EDRF1: variants seen among roughly 807,000 people sequenced by gnomAD.
EDRF1 encodes erythroid differentiation regulatory factor 1.
Under a neutral mutation model 148.7 loss-of-function variants are expected in EDRF1, and 69 were observed. The ratio of observed to expected loss-of-function variants is 0.46; its 90% CI spans 0.38 to 0.57. EDRF1 has a LOEUF of 0.57. Among genes scored for constraint, EDRF1 ranks in the 20% least tolerant of loss-of-function variants. The pLI is 0.00. For missense variants in EDRF1, 1,118 were observed against 1,478.7 expected (o/e 0.76, Z 4.00); for synonymous variants, 515 against 532.8 (o/e 0.97, Z 0.46).
At chr10:125,729,994 G>A (rs1418066991) in intron 8 of EDRF1, among the ~76,000 whole-genome samples, 1 of 152,204 alleles carries the variant, frequency 6.6e-6, no homozygotes, top group Admixed American at 6.5e-5. Context: ...CTTTCTTCAA[G>A]TTGTGTGTGA....
intron 6 of EDRF1, among the ~76,000 whole-genome samples, chr10:125,728,483 G>A (rs1284598233): frequency 6.6e-6 from 1 of 152,112 alleles, no homozygotes; most frequent in Non-Finnish European, 1.5e-5. Context: ...AGACTGTTAA[G>A]ATAATGAGTA....
intron 24 of EDRF1, chr10:125,761,226 A>G: frequency 2.5e-6 from 1 of 407,984 alleles, no homozygotes; most frequent in Non-Finnish European, 4.9e-6. Context: ...TTTCATTTTC[A>G]GGTGATGCAG....
At chr10:125,731,549 A>C (rs996714296) in intron 9 of EDRF1, among the ~76,000 whole-genome samples, 2 of 152,226 alleles carry the variant, frequency 1.3e-5, no homozygotes, top group African/African-American at 2.4e-5. Flanking sequence ...AATGATGGAG[A>C]TCTTAAATGT....
At chr10:125,748,119 G>A in intron 21 of EDRF1, 107 bp downstream of exon 21, 1 of 1,346,202 alleles carries the variant, frequency 7.4e-7, no homozygotes, top group Non-Finnish European at 1.1e-6. Context: ...CGTCCACTCA[G>A]GTGAACTGCT....
chr10:125,719,859 G>C lies in EDRF1; in HGVS notation c.52G>C (p.Ala18Pro). 2 of 1,612,890 alleles carry C rather than the reference G, an allele frequency of 1.2e-6. No individual in the cohort carries two copies. The highest frequency in any genetic ancestry group is 1.1e-5 in the South Asian group (1 of 91,044). Residue 18 changes from alanine (A) to proline (P), a missense_variant, in exon 1 of 25, where the codon GCT becomes CCT. Physicochemically the swap from Ala to Pro is conservative, Grantham distance 27. Around this residue, in one of 3 missense-constraint regions of EDRF1, gnomAD observed 65 missense variants for 50.3 expected, o/e 1.29. Transcript: ENST00000356792. ...CGAGGGTCCGCCGGCCGGGGCCGCCGCTCGAGGAGGGCTCAGCCTCCTGTC... is the reference window on the plus strand; with the variant it reads ...CGAGGGTCCGCCGGCCGGGGCCGCCCCTCGAGGAGGGCTCAGCCTCCTGTC... ...GAEGPPAGAAARGGLSLLSQG... is the reference protein window; with the variant it reads ...GAEGPPAGAAPRGGLSLLSQG...
At chr10:125,735,287 T>A (rs1186096444) in intron 12 of EDRF1, among the ~76,000 whole-genome samples, 1 of 152,146 alleles carries the variant, frequency 6.6e-6, no homozygotes, top group Non-Finnish European at 1.5e-5. Context: ...AAAGAAAAAT[T>A]CTGGTTTCTC....
rs546647661 is a variant in EDRF1 at position 125,763,612 on chromosome 10, A to T, written c.*140A>T. Reference sequence around the variant, plus strand: ...ATCAGTGGAAACACAGAGTTATTTTAAGTGACAGACAAATTACGGTTGAGT... The same window carrying T: ...ATCAGTGGAAACACAGAGTTATTTTTAGTGACAGACAAATTACGGTTGAGT... On this transcript the variant is annotated 3_prime_UTR_variant, in exon 25 of 25. Transcript: ENST00000356792. The surrounding 1 kb of genome is among the most constrained non-coding windows in gnomAD (Gnocchi z 4.3). 10 of 1,003,934 alleles carry T rather than the reference A, an allele frequency of 1.0e-5. No individual in the cohort carries two copies. The South Asian group carries it at 1.4e-4, about 14-fold the overall frequency. The allele number at this position is 1,003,934 out of a possible 1,614,324, so 62.2% of individuals were successfully genotyped here. A position where few individuals can be genotyped will look rare whatever the true frequency, so the allele number is the denominator to read the frequency against.
At chr10:125,754,352 T>G (rs1187908320) in intron 24 of EDRF1, among the ~76,000 whole-genome samples, 2 of 152,252 alleles carry the variant, frequency 1.3e-5, no homozygotes, top group Admixed American at 1.3e-4. Flanking sequence ...AAGCCTTCTA[T>G]GTATTGAAAT....
intron 15 of EDRF1, among the ~76,000 whole-genome samples, chr10:125,739,009 A>G (rs1029331725): frequency 6.6e-6 from 1 of 152,242 alleles, no homozygotes; most frequent in Non-Finnish European, 1.5e-5. Context: ...ATATAACATC[A>G]TGAAGAATAT....
rs759711447 is a variant in EDRF1, at chr10:125,723,825, C to T, written c.399C>T (p.Leu133=). The change falls in exon 4 of 25, where the codon CTC becomes CTT. Residue 133 remains leucine, a synonymous_variant. Coordinates refer to ENST00000356792, the MANE Select transcript of EDRF1 (RefSeq NM_001202438.2). ...AATTTTTTAAGAACATAAAAAAACT[C>T]CTGAAAATTCCCTACAGCAAGTCGC... is the stretch of plus-strand genomic sequence containing the variant. ...VVSDSENIKK[L]LKIPYSKSHV... 68 of 1,613,170 alleles carry T rather than the reference C, an allele frequency of 4.2e-5. No homozygotes were observed. Among genetic ancestry groups the T allele is most frequent in the Admixed American group, 2.5e-4 (15 of 59,970 alleles).
rs924497506 is a variant in EDRF1, at chr10:125,721,053, T to C, written c.109-151T>C. On this transcript the variant is annotated intron_variant, in intron 1 of 24. Transcript: ENST00000356792. ...TAAAAGAACTAAGTAAATGTTACCA[T>C]TTATGCTCAAATTTATTAAGTGCTG... The C allele has an allele frequency of 7.7e-5, 58 of 753,430 alleles. No homozygotes were observed. The Admixed American group carries it at 1.3e-3, about 16-fold the overall frequency. The allele number at this position is 753,430 out of a possible 1,614,324, so 46.7% of individuals were successfully genotyped here.
chr10:125,753,865 G>A lies in EDRF1; in HGVS notation c.3545+20G>A. 6.2e-7 allele frequency: 1 copy of A among 1,611,354 alleles called. No homozygotes were observed. Among genetic ancestry groups the A allele is most frequent in the Non-Finnish European group, 8.5e-7 (1 of 1,179,290 alleles). On this transcript the variant is annotated intron_variant, in intron 24 of 24. Coordinates refer to ENST00000356792, the MANE Select transcript of EDRF1 (RefSeq NM_001202438.2). ...AACAAGGTAAATTAAGTGGTTATTTGTAGGAATTTCTTTCCTAGCACCCTA... is the reference window on the plus strand; with the variant it reads ...AACAAGGTAAATTAAGTGGTTATTTATAGGAATTTCTTTCCTAGCACCCTA...
At position 125,745,730 on chromosome 10, in the gene EDRF1, G is replaced by C. The variant is rs773208056; in HGVS notation, c.2614G>C (p.Glu872Gln). The stretch of plus-strand genomic sequence containing the variant: ...AGTGAGCAAATCTGTGTCTGCTGCC[G>C]AGCAACAGTTGTGGAAAAAAAGCTT... ...RLVSKSVSAA[E>Q]QQLWKKSFSC... Residue 872 changes from glutamate to glutamine, a missense_variant, in exon 19 of 25, where the codon GAG becomes CAG. Glu to Gln is a conservative substitution (Grantham distance 29). This residue lies in a region of EDRF1 where 954 missense variants were observed against 1,241.4 expected (regional missense o/e 0.77). Coordinates refer to ENST00000356792, the MANE Select transcript of EDRF1 (RefSeq NM_001202438.2). 6.2e-7 allele frequency: 1 copy of C among 1,614,166 alleles called. No individual in the cohort carries two copies.
At chr10:125,741,274 A>T (rs1849003536) in intron 17 of EDRF1, 73 bp downstream of exon 17, 2 of 1,282,400 alleles carry the variant, frequency 1.6e-6, no homozygotes, top group Non-Finnish European at 2.3e-6. Flanking sequence ...TTGAGTATTC[A>T]GAAAAGGGGT....
chr10:125,730,513 G>C, intron 9 of EDRF1, 114 bp downstream of exon 9: 1 of 801,600 alleles, frequency 1.2e-6, no homozygotes, highest in South Asian at 1.4e-5. Context: ...AGGGAAGATA[G>C]CTGTGAATAA....
At chr10:125,740,317 G>A (rs147616157) in intron 15 of EDRF1, 146 bp from the exon 16 acceptor site, 33 of 864,764 alleles carry the variant, frequency 3.8e-5, no homozygotes, top group Non-Finnish European at 5.7e-5. Context: ...TTTCACTCCA[G>A]TGTATTTAAG....
Position 125,740,661 on chromosome 10 carries a change from T to C in EDRF1, c.2170+10T>C, listed in dbSNP as rs1163704210. ...GCTTTGCAAAGCCATGGTAAGCCAC[T>C]ATAAATGAATATGTTTAATAGGCAC... On this transcript the variant is annotated intron_variant, in intron 16 of 24. Transcript: ENST00000356792. The C allele has an allele frequency of 1.2e-6, 2 of 1,611,490 alleles. No individual in the cohort carries two copies. Among genetic ancestry groups the C allele is most frequent in the Non-Finnish European group, 1.7e-6 (2 of 1,179,192 alleles).
At chr10:125,725,904 TAA>T (rs564768268) in intron 6 of EDRF1, 66 bp downstream of exon 6, 6,286 of 1,260,394 alleles carry the variant, frequency 5.0e-3, no homozygotes, top group South Asian at 5.4e-3. Flanking sequence ...AACATCTCGT[TAA>T]AAAAAAAAAA....
rs751664167 is a variant in EDRF1, at chr10:125,725,456, T to G, written c.635+14T>G. 6.2e-7 allele frequency: 1 copy of G among 1,613,740 alleles called. No individual in the cohort carries two copies. The highest frequency in any genetic ancestry group is 1.1e-5 in the South Asian group (1 of 91,042). On this transcript the variant is annotated intron_variant, in intron 5 of 24. Transcript: ENST00000356792. ...TTTATATTACAGGTACTTGGCTACT[T>G]ATTTATCTCTAAAGAGAAAAAGGGA...
Sources: allele counts gnomAD v4.1 joint callset (sites outside exome capture counted in the v4.1 genomes callset), GRCh38; gene constraint gnomAD v4.1.1; regional missense constraint gnomAD v4.1.1; non-coding constraint Gnocchi (gnomAD v3.1); transcripts MANE v1.5; gene names NCBI Gene and HGNC (gene_info 2026-07-23, HGNC 2026-07-21).